CDC14B: variants seen among roughly 807,000 people sequenced by gnomAD.
CDC14B encodes dual specificity protein phosphatase CDC14B.
A neutral mutation model predicts 64.2 loss-of-function variants in CDC14B; 22 were observed. That is an observed-to-expected ratio of 0.34 (90% CI 0.24 to 0.49). The LOEUF (loss-of-function observed/expected upper bound fraction) is 0.49. Ranked by LOEUF, CDC14B falls within the 20% of genes least tolerant of loss-of-function variation. CDC14B has a pLI of 0.99. For synonymous variants in CDC14B, 191 were observed against 215.8 expected, an observed-to-expected ratio of 0.89 and a Z score of 1.01; for missense variants, 498 against 629.9, an observed-to-expected ratio of 0.79 and a Z score of 2.24.
chr9:96,495,394 C>CG (rs35185842), downstream of CDC14B, among the ~76,000 whole-genome samples: 3 of 139,536 alleles, frequency 2.1e-5, no homozygotes, highest in Admixed American at 1.4e-4. Context: ...GTGTGCTGCC[C>CG]CCCCCCGCCC....
chr9:96,580,598 C>A (rs1845087027), intron 1 of CDC14B, among the ~76,000 whole-genome samples: 1 of 152,130 alleles, frequency 6.6e-6, no homozygotes, highest in African/African-American at 2.4e-5. Context: ...GGCAATCTGG[C>A]AGTATCTGTT....
At chr9:96,545,361 T>C (rs1840655057) in intron 5 of CDC14B, among the ~76,000 whole-genome samples, 2 of 147,402 alleles carry the variant, frequency 1.4e-5, no homozygotes, top group South Asian at 2.2e-4. Flanking sequence ...AGTCTCCCCC[T>C]GGAGTGAGTG....
intron 4 of CDC14B, among the ~76,000 whole-genome samples, chr9:96,553,966 C>A (rs1842160366): frequency 6.6e-6 from 1 of 152,056 alleles, no homozygotes; most frequent in Admixed American, 6.5e-5. Context: ...GAGATGGAGA[C>A]CATCCTGGCT....
chr9:96,526,106 A>T (rs1022135192), intron 9 of CDC14B, among the ~76,000 whole-genome samples: 2 of 152,078 alleles, frequency 1.3e-5, no homozygotes, highest in African/African-American at 4.8e-5. Flanking sequence ...GGTGGCTCAC[A>T]CCTGTAATCC....
At chr9:96,610,254 G>A (rs925755492) in intron 1 of CDC14B, among the ~76,000 whole-genome samples, 2 of 152,066 alleles carry the variant, frequency 1.3e-5, no homozygotes, top group Non-Finnish European at 2.9e-5. Flanking sequence ...GTGGAGTGAA[G>A]TGGCGCAATC....
intron 1 of CDC14B, among the ~76,000 whole-genome samples, chr9:96,585,876 T>C (rs1297042719): frequency 6.6e-6 from 1 of 152,146 alleles, no homozygotes; most frequent in Non-Finnish European, 1.5e-5. Context: ...AATAAGACAA[T>C]GGATAGACCG....
At chr9:96,514,663 A>G in intron 12 of CDC14B, 2 of 985,476 alleles carry the variant, frequency 2.0e-6, no homozygotes, top group Non-Finnish European at 2.4e-6. Flanking sequence ...CATAACTTCC[A>G]AGTCCAAGAG....
chr9:96,564,285 C>G (rs1392723668), intron 3 of CDC14B, among the ~76,000 whole-genome samples: 3 of 152,152 alleles, frequency 2.0e-5, no homozygotes, highest in African/African-American at 7.2e-5. Flanking sequence ...CTTATTTGCC[C>G]TAGATTCTCA....
At chr9:96,512,745 C>G (rs1336989002) in intron 12 of CDC14B, among the ~76,000 whole-genome samples, 2 of 152,204 alleles carry the variant, frequency 1.3e-5, no homozygotes, top group African/African-American at 4.8e-5. Flanking sequence ...TGCTTCATTG[C>G]TACTTCTGAA....
At chr9:96,566,744 G>A in intron 1 of CDC14B, 2 of 1,597,998 alleles carry the variant, frequency 1.3e-6, no homozygotes, top group Non-Finnish European at 1.7e-6. Flanking sequence ...GCCCCCAGGG[G>A]AAGCCCCCGC....
intron 11 of CDC14B, 88 bp from the exon 12 acceptor site, chr9:96,522,691 C>A (rs898197713): frequency 6.0e-6 from 5 of 836,400 alleles, no homozygotes; most frequent in Non-Finnish European, 6.1e-6. Context: ...CACATGAACA[C>A]AGTCCAAGTT....
intron 1 of CDC14B, among the ~76,000 whole-genome samples, chr9:96,591,806 C>T (rs909690980): frequency 7.4e-5 from 11 of 148,910 alleles, no homozygotes; most frequent in Admixed American, 1.3e-4. Context: ...AGTGCAGTGG[C>T]GCGATCTAGG....
intron 13 of CDC14B, among the ~76,000 whole-genome samples, chr9:96,507,012 G>A (rs572046210): frequency 1.1e-3 from 160 of 152,196 alleles, no homozygotes; most frequent in South Asian, 4.1e-3. Context: ...AAGCCTGAGC[G>A]GCCGGGCGCC....
At chr9:96,524,725 T>C (rs1446403204) in intron 9 of CDC14B, among the ~76,000 whole-genome samples, 2 of 152,196 alleles carry the variant, frequency 1.3e-5, no homozygotes, top group African/African-American at 4.8e-5. Flanking sequence ...AGCAAGAGAC[T>C]GCCTTTGGCT....
chr9:96,606,418 C>T (rs1364756584), intron 1 of CDC14B, among the ~76,000 whole-genome samples: 2 of 150,588 alleles, frequency 1.3e-5, no homozygotes, highest in Admixed American at 1.3e-4. Flanking sequence ...GTGCAGTGCT[C>T]ATGCTTGTAA....
At chr9:96,538,396 G>C (rs911748483) in intron 7 of CDC14B, among the ~76,000 whole-genome samples, 1 of 152,030 alleles carries the variant, frequency 6.6e-6, no homozygotes, top group African/African-American at 2.4e-5. Context: ...CAAGAATATT[G>C]CTTCTGTAAG....
chr9:96,612,078 C>T (rs1208758424), intron 1 of CDC14B, among the ~76,000 whole-genome samples: 2 of 152,144 alleles, frequency 1.3e-5, no homozygotes, highest in African/African-American at 2.4e-5. Context: ...TTTATTCCTC[C>T]TTTTACAGGG....
At chr9:96,551,064 A>G (rs935504405) in intron 5 of CDC14B, among the ~76,000 whole-genome samples, 1 of 148,556 alleles carries the variant, frequency 6.7e-6, no homozygotes, top group Non-Finnish European at 1.5e-5. Context: ...TTTGAGTACA[A>G]TAACCCAGGA....
chr9:96,512,821 C>T (rs893042934), intron 12 of CDC14B, among the ~76,000 whole-genome samples: 7 of 151,422 alleles, frequency 4.6e-5, no homozygotes, highest in Non-Finnish European at 1.0e-4. Flanking sequence ...CCCTTACGCA[C>T]GGAGAAAACA....
Sources: allele counts gnomAD v4.1 joint callset (sites outside exome capture counted in the v4.1 genomes callset), GRCh38; gene constraint gnomAD v4.1.1; transcripts MANE v1.5; gene names NCBI Gene and HGNC (gene_info 2026-07-23, HGNC 2026-07-21).